CRADD: variants seen among roughly 807,000 people sequenced by gnomAD.
CRADD encodes the protein death domain-containing protein CRADD.
Under a neutral mutation model 15.5 loss-of-function variants are expected in CRADD, and 9 were observed. The ratio of observed to expected loss-of-function variants is 0.58; its 90% CI spans 0.35 to 1.01. The LOEUF is 1.01. Ranked by LOEUF, CRADD falls within the 50% of genes least tolerant of loss-of-function variation. The probability of loss-of-function intolerance (pLI) is 0.02; values close to 1 mark genes in which losing one functional copy is unlikely to be tolerated. For missense variants in CRADD, 227 were observed against 250.3 expected (o/e 0.91, Z 0.63); for synonymous variants, 118 against 107.6 (o/e 1.10, Z -0.60).
chr12:93,802,070 G>A (rs1445413797), intron 2 of CRADD, among the ~76,000 whole-genome samples: 2 of 152,074 alleles, frequency 1.3e-5, no homozygotes, highest in African/African-American at 2.4e-5. Flanking sequence ...TATATACACC[G>A]TGTTTTCTTT....
At chr12:93,857,751 G>C (rs1010107938) in intron 2 of CRADD, among the ~76,000 whole-genome samples, 1 of 152,144 alleles carries the variant, frequency 6.6e-6, no homozygotes, top group African/African-American at 2.4e-5. Context: ...ATGGCAAGAG[G>C]GGGAGCAAGA....
At chr12:93,832,380 A>G (rs1957916841) in intron 2 of CRADD, among the ~76,000 whole-genome samples, 1 of 152,218 alleles carries the variant, frequency 6.6e-6, no homozygotes, top group Non-Finnish European at 1.5e-5. Flanking sequence ...GCTGAACTCC[A>G]TGAAAGAAAT....
chr12:93,834,676 C>T (rs369101759), intron 2 of CRADD, among the ~76,000 whole-genome samples: 3 of 152,230 alleles, frequency 2.0e-5, no homozygotes, highest in South Asian at 2.1e-4. Context: ...TCAGTAGAGA[C>T]GGGGTTTCTC....
chr12:93,830,263 C>T (rs535272459), intron 2 of CRADD, among the ~76,000 whole-genome samples: 3 of 152,256 alleles, frequency 2.0e-5, no homozygotes, highest in South Asian at 2.1e-4. Flanking sequence ...AAAGCTTCTT[C>T]GAAGAGATGA....
In CRADD at chr12:93,753,814, C is replaced by T. The variant is rs113442987; in HGVS notation, c.298+74742C>T. Among the ~76,000 whole-genome samples, 1,462 of 152,330 alleles carry T rather than the reference C, an allele frequency of 9.6e-3. 32 individuals are homozygous for T. Among genetic ancestry groups the T allele is most frequent in the African/African-American group, 0.034 (1,403 of 41,582 alleles). ...GCCCCCCTCCCAGCTGCTTTCACTG[C>T]TGGAGTTGAGTGTCTATGGCTTTTC... On this transcript the variant is annotated intron_variant, in intron 2 of 2. Transcript: ENST00000332896.
intron 2 of CRADD, among the ~76,000 whole-genome samples, chr12:93,890,763 C>CTT (rs571133896): frequency 0.2 from 29,128 of 144,232 alleles, 3,160 homozygotes; most frequent in South Asian, 0.33. Flanking sequence ...TTCTTTCTTT[C>CTT]TTTTTTTTTT....
intron 2 of CRADD, chr12:93,846,610 A>ACACG (rs1565937262): frequency 2.0e-5 from 3 of 151,274 alleles, no homozygotes; most frequent in African/African-American, 7.3e-5. Flanking sequence ...ACACACACAC[A>ACACG]CACACACACA....
chr12:93,875,921 G>C (rs1958455541), intron 2 of CRADD, among the ~76,000 whole-genome samples: 1 of 152,118 alleles, frequency 6.6e-6, no homozygotes, highest in South Asian at 2.1e-4. Context: ...TGTACTTTCA[G>C]GTGATTACTT....
intron 2 of CRADD, among the ~76,000 whole-genome samples, chr12:93,860,016 C>T (rs1404560396): frequency 6.6e-6 from 1 of 151,878 alleles, no homozygotes; most frequent in Non-Finnish European, 1.5e-5. Context: ...AGACATTGGC[C>T]ACTGTATTTG....
chr12:93,823,622 G>A (rs1487478299), intron 2 of CRADD, among the ~76,000 whole-genome samples: 1 of 152,148 alleles, frequency 6.6e-6, no homozygotes, highest in Non-Finnish European at 1.5e-5. Flanking sequence ...TTCAGTTCAG[G>A]CATTTATTTA....
intron 2 of CRADD, among the ~76,000 whole-genome samples, chr12:93,791,732 C>T (rs1428634976): frequency 6.6e-6 from 1 of 151,930 alleles, no homozygotes; most frequent in Non-Finnish European, 1.5e-5. Flanking sequence ...AGTTAGCTAG[C>T]TAACTAACCA....
chr12:93,789,522 A>C (rs1487722443), intron 2 of CRADD, among the ~76,000 whole-genome samples: 1 of 152,208 alleles, frequency 6.6e-6, no homozygotes, highest in Non-Finnish European at 1.5e-5. Flanking sequence ...TCTGATTTGA[A>C]ACATTTTCTA....
At chr12:93,681,354 T>C (rs1461013247) in intron 2 of CRADD, among the ~76,000 whole-genome samples, 2 of 152,340 alleles carry the variant, frequency 1.3e-5, no homozygotes, top group South Asian at 4.1e-4. Flanking sequence ...TGTAGAAGTT[T>C]AGAAAAATAA....
chr12:93,779,439 A>G (rs1425003471), intron 2 of CRADD, among the ~76,000 whole-genome samples: 1 of 152,158 alleles, frequency 6.6e-6, no homozygotes, highest in Admixed American at 6.5e-5. Context: ...AAGGAAAAAA[A>G]CATAGATTTT....
chr12:93,789,557 T>C (rs1957325698), intron 2 of CRADD, among the ~76,000 whole-genome samples: 2 of 152,122 alleles, frequency 1.3e-5, no homozygotes, highest in South Asian at 4.1e-4. Flanking sequence ...TTTAAAAAAT[T>C]GGAAGCAGCT....
chr12:93,723,913 C>A lies in CRADD; in HGVS notation c.298+44841C>A, dbSNP rs183128572. On this transcript the variant is annotated intron_variant, in intron 2 of 2. Transcript: ENST00000332896. ...GAGTGGGCTAGAGCTGAGAATTTCT[C>A]TTCCCTCCAGGCCCGTTAGGCTGTG... 2.0e-5 allele frequency among the ~76,000 whole-genome samples: 3 copies of A among 152,324 alleles called. No homozygotes were observed. The East Asian group carries it at 5.8e-4, about 29-fold the overall frequency.
At chr12:93,846,274 C>T (rs1274085253) in intron 2 of CRADD, among the ~76,000 whole-genome samples, 2 of 152,142 alleles carry the variant, frequency 1.3e-5, no homozygotes, top group Non-Finnish European at 2.9e-5. Flanking sequence ...TCCCTGCATT[C>T]AATTCTTTTG....
chr12:93,876,492 G>A (rs903791677), intron 2 of CRADD, among the ~76,000 whole-genome samples: 1 of 151,950 alleles, frequency 6.6e-6, no homozygotes, highest in African/African-American at 2.4e-5. Flanking sequence ...AGATCCTATA[G>A]GTGTGCTTCA....
chr12:93,884,043 A>G (rs888003493), intron 2 of CRADD, among the ~76,000 whole-genome samples: 10 of 152,154 alleles, frequency 6.6e-5, no homozygotes, highest in Admixed American at 6.5e-4. Context: ...CACTTCTGCC[A>G]TAGTTTTTTG....
Sources: allele counts gnomAD v4.1 joint callset (sites outside exome capture counted in the v4.1 genomes callset), GRCh38; gene constraint gnomAD v4.1.1; transcripts MANE v1.5; gene names NCBI Gene and HGNC (gene_info 2026-07-23, HGNC 2026-07-21).